The following TOP6BL variants were observed in gnomAD, a reference collection of about 807,000 sequenced individuals.
The protein encoded by TOP6BL is TOP6B like initiator of meiotic double strand breaks.
At chr11:66,786,168 CA>C in the TOP6BL span, among the ~76,000 whole-genome samples, 4 of 152,066 alleles carry the variant, frequency 2.6e-5, no homozygotes, top group Admixed American at 6.6e-5. Context: ...CATGGTGGCA[CA>C]ACCCTGTGAT....
chr11:66,830,975 G>A, the TOP6BL span, among the ~76,000 whole-genome samples: 8 of 151,916 alleles, frequency 5.3e-5, no homozygotes, highest in African/African-American at 1.2e-4. Context: ...CACACTTCAC[G>A]AAAGAAGCTA....
chr11:66,820,648 G>A, the TOP6BL span, among the ~76,000 whole-genome samples: 16 of 152,156 alleles, frequency 1.1e-4, no homozygotes, highest in African/African-American at 3.4e-4. Context: ...ACCACAGTAC[G>A]TCTGAAAGCA....
At chr11:66,781,824 C>A in the TOP6BL span, among the ~76,000 whole-genome samples, 1 of 152,206 alleles carries the variant, frequency 6.6e-6, no homozygotes, top group Non-Finnish European at 1.5e-5. Context: ...AGGCATGAGC[C>A]TGGCCCTCAG....
the TOP6BL span, among the ~76,000 whole-genome samples, chr11:66,819,513 G>A: frequency 1.3e-5 from 2 of 152,168 alleles, no homozygotes; most frequent in Non-Finnish European, 2.9e-5. Flanking sequence ...CTTGGCTCCT[G>A]TAATCCCAAT....
chr11:66,744,819 G>GGTCGGC, the TOP6BL span: 1 of 1,230,232 alleles, frequency 8.1e-7, no homozygotes, highest in Non-Finnish European at 1.0e-6. Context: ...GCTGAGGAGG[G>GGTCGGC]GGCGGCGGCG....
At chr11:66,836,361 T>C in the TOP6BL span, among the ~76,000 whole-genome samples, 2 of 151,676 alleles carry the variant, frequency 1.3e-5, no homozygotes, top group African/African-American at 4.8e-5. Flanking sequence ...AGGCGCCCAC[T>C]ACCACGCCCG....
At chr11:66,768,396 A>G in the TOP6BL span, among the ~76,000 whole-genome samples, 1 of 152,134 alleles carries the variant, frequency 6.6e-6, no homozygotes, top group Admixed American at 6.6e-5. Flanking sequence ...ACATGATCTC[A>G]TTCATTCTTG....
At chr11:66,828,254 G>A in the TOP6BL span, 1 of 1,602,054 alleles carries the variant, frequency 6.2e-7, no homozygotes, top group African/African-American at 1.3e-5. Context: ...TTCTATTTCT[G>A]GCCCATTTTA....
chr11:66,819,713 G>A, the TOP6BL span, among the ~76,000 whole-genome samples: 2 of 152,034 alleles, frequency 1.3e-5, no homozygotes, highest in African/African-American at 4.8e-5. Context: ...GACCAGTCTG[G>A]CCAACATGGC....
At chr11:66,793,075 T>A in the TOP6BL span, among the ~76,000 whole-genome samples, 1 of 150,622 alleles carries the variant, frequency 6.6e-6, no homozygotes, top group Non-Finnish European at 1.5e-5. Context: ...TAATCCCCCA[T>A]CCATTTTGGT....
the TOP6BL span, among the ~76,000 whole-genome samples, chr11:66,766,499 A>C: frequency 6.6e-6 from 1 of 152,140 alleles, no homozygotes; most frequent in Non-Finnish European, 1.5e-5. Flanking sequence ...TGTAACATCT[A>C]CCTTGCCACA....
the TOP6BL span, among the ~76,000 whole-genome samples, chr11:66,756,680 A>G: frequency 6.6e-6 from 1 of 152,136 alleles, no homozygotes; most frequent in Non-Finnish European, 1.5e-5. Context: ...TCCCCTCTAT[A>G]GAACAGAAGA....
chr11:66,814,099 T>G, the TOP6BL span: 1 of 1,390,354 alleles, frequency 7.2e-7, no homozygotes, highest in Non-Finnish European at 9.8e-7. Flanking sequence ...AGAACGTGTG[T>G]ATAAAAATAT....
chr11:66,791,866 G>A, the TOP6BL span, among the ~76,000 whole-genome samples: 1 of 149,950 alleles, frequency 6.7e-6, no homozygotes, highest in Admixed American at 6.7e-5. Context: ...GGCCCAGGCT[G>A]GAGTGTAGTG....
the TOP6BL span, among the ~76,000 whole-genome samples, chr11:66,802,065 C>T: frequency 6.6e-6 from 1 of 152,148 alleles, no homozygotes; most frequent in Admixed American, 6.6e-5. Context: ...TCATAGCTCA[C>T]TGCAGCCTTG....
the TOP6BL span, among the ~76,000 whole-genome samples, chr11:66,781,272 G>T: frequency 6.6e-6 from 1 of 151,834 alleles, no homozygotes; most frequent in Admixed American, 6.6e-5. Context: ...CTCCAGATTG[G>T]ATAGTTTTTG....
At chr11:66,744,822 C>G in the TOP6BL span, 30 of 1,054,314 alleles carry the variant, frequency 2.8e-5, 1 homozygote, top group African/African-American at 5.4e-5. Flanking sequence ...GAGGAGGGGG[C>G]GGCGGCGGCG....
At chr11:66,839,271 T>C in the TOP6BL span, 1 of 446,702 alleles carries the variant, frequency 2.2e-6, no homozygotes, top group African/African-American at 2.0e-5. Context: ...CTAGGAGCTA[T>C]AGGTACTGTT....
At chr11:66,813,864 CAT>C in the TOP6BL span, 1 of 1,613,498 alleles carries the variant, frequency 6.2e-7, no homozygotes, top group Non-Finnish European at 8.5e-7. Context: ...AGCAACTACA[CAT>C]ATTTCTATAT....
Sources: gnomAD v4.1 joint callset for allele counts (sites outside exome capture counted in the v4.1 genomes callset) on GRCh38, gnomAD v4.1.1 for gene constraint, MANE v1.5 for transcripts, NCBI Gene and HGNC (gene_info 2026-07-23, HGNC 2026-07-21) for gene names.